Variants in BZW2 observed in about 807,000 individuals in gnomAD.
BZW2 encodes eIF5-mimic protein 1.
BZW2 carries 23 observed loss-of-function variants against 53.2 expected under a neutral mutation model. That is an observed-to-expected ratio of 0.43 (90% CI 0.31 to 0.61). The LOEUF (loss-of-function observed/expected upper bound fraction) is 0.61, where lower values mean the gene tolerates loss of function less well. BZW2 is among the 20% of genes least tolerant of loss of function. BZW2 has a pLI of 0.09. For missense variants in BZW2, 409 were observed against 503.1 expected, an observed-to-expected ratio of 0.81 and a Z score of 1.79; for synonymous variants, 227 against 186.4, an observed-to-expected ratio of 1.22 and a Z score of -1.77.
intron 3 of BZW2, among the ~76,000 whole-genome samples, chr7:16,678,145 C>T (rs1782824829): frequency 1.4e-5 from 2 of 138,352 alleles, no homozygotes; most frequent in African/African-American, 5.5e-5. Context: ...TGTTGGCTCA[C>T]TGCAACTTCC....
intron 1 of BZW2, among the ~76,000 whole-genome samples, chr7:16,649,927 C>T (rs1781946771): frequency 6.6e-6 from 1 of 152,054 alleles, no homozygotes; most frequent in African/African-American, 2.4e-5. Context: ...TTATACTGTT[C>T]TCTCTACTTT....
At chr7:16,696,453 T>A (rs1223022430) in intron 8 of BZW2, among the ~76,000 whole-genome samples, 1 of 152,236 alleles carries the variant, frequency 6.6e-6, no homozygotes, top group Non-Finnish European at 1.5e-5. Context: ...ATAAGGATCA[T>A]CAAAAGTAAT....
At chr7:16,703,686 A>T (rs1280084391) in intron 10 of BZW2, among the ~76,000 whole-genome samples, 1 of 152,176 alleles carries the variant, frequency 6.6e-6, no homozygotes, top group Non-Finnish European at 1.5e-5. Flanking sequence ...ACATTAGAAG[A>T]ATGTTAGAAC....
chr7:16,673,015 G>C (rs1383035200), intron 2 of BZW2, among the ~76,000 whole-genome samples: 2 of 151,436 alleles, frequency 1.3e-5, no homozygotes, highest in Non-Finnish European at 2.9e-5. Flanking sequence ...GCGCGATCTT[G>C]GCTCACTGCA....
intron 2 of BZW2, among the ~76,000 whole-genome samples, chr7:16,673,542 A>G (rs1026999163): frequency 3.0e-4 from 45 of 152,166 alleles, no homozygotes; most frequent in African/African-American, 1.1e-3. Flanking sequence ...TTTTTGTTAA[A>G]TAAATACTAT....
intron 3 of BZW2, 94 bp from the exon 4 acceptor site, chr7:16,681,207 A>G (rs1423715095): frequency 1.3e-5 from 13 of 977,494 alleles, no homozygotes; most frequent in Admixed American, 7.0e-5. Context: ...ATCTACTTTG[A>G]TTATTTTCTT....
intron 8 of BZW2, among the ~76,000 whole-genome samples, chr7:16,696,544 G>GA (rs111721849): frequency 0.37 from 55,742 of 151,878 alleles, 11,463 homozygotes; most frequent in Non-Finnish European, 0.47. Context: ...TTTAGGGATG[G>GA]GATAAAAGTT....
chr7:16,656,911 ATGT>A (rs909017804), intron 1 of BZW2, among the ~76,000 whole-genome samples: 94 of 152,036 alleles, frequency 6.2e-4, no homozygotes, highest in African/African-American at 2.3e-3. Flanking sequence ...GATGGCTCTT[ATGT>A]TGTTTTGATC....
intron 2 of BZW2, among the ~76,000 whole-genome samples, chr7:16,671,328 A>G (rs1782592029): frequency 6.6e-6 from 1 of 152,192 alleles, no homozygotes; most frequent in Non-Finnish European, 1.5e-5. Context: ...GCATTTTTAA[A>G]AAATAACGTT....
intron 2 of BZW2, among the ~76,000 whole-genome samples, chr7:16,671,930 CAAAA>C (rs56356463): frequency 2.0e-5 from 2 of 99,398 alleles, no homozygotes; most frequent in African/African-American, 4.2e-5. Flanking sequence ...GACCCTGTTT[CAAAA>C]AAAAAAAAAA....
At chr7:16,664,500 C>T (rs925205782) in intron 1 of BZW2, among the ~76,000 whole-genome samples, 2 of 152,138 alleles carry the variant, frequency 1.3e-5, no homozygotes, top group Non-Finnish European at 2.9e-5. Context: ...AGAAGCCAGA[C>T]CTTATCTGGC....
intron 6 of BZW2, among the ~76,000 whole-genome samples, chr7:16,689,204 C>T (rs555607445): frequency 9.9e-5 from 15 of 151,882 alleles, no homozygotes; most frequent in African/African-American, 2.4e-4. Flanking sequence ...CCAGCCTGGG[C>T]GACAGAGTGA....
chr7:16,667,239 C>G (rs6964763), intron 2 of BZW2, among the ~76,000 whole-genome samples: 1 of 150,494 alleles, frequency 6.6e-6, no homozygotes, highest in Non-Finnish European at 1.5e-5. Context: ...CGACATTGCA[C>G]CACTGCACTG....
chr7:16,670,902 A>G (rs1301348329), intron 2 of BZW2, among the ~76,000 whole-genome samples: 1 of 152,202 alleles, frequency 6.6e-6, no homozygotes, highest in Admixed American at 6.5e-5. Flanking sequence ...TCTTTATGGT[A>G]TCTCACGCTG....
rs1206399612 is a variant in BZW2 at position 16,665,422 on chromosome 7, T to A, written c.-7-15T>A. ...CTTATCTGAAATACATAATCTTTAT[T>A]TTCTTTGTTTTCAGAAATTTTATGA... On this transcript the variant is annotated splice_polypyrimidine_tract_variant and intron_variant, in intron 1 of 11. Coordinates refer to ENST00000258761, the MANE Select transcript of BZW2 (RefSeq NM_014038.3). The A allele has an allele frequency of 3.1e-6, 5 of 1,614,118 alleles. No homozygotes were observed. The highest frequency in any genetic ancestry group is 4.2e-6 in the Non-Finnish European group (5 of 1,179,982).
rs146164676 is a variant in BZW2, at chr7:16,664,042, A to C, written c.-7-1395A>C. Among the ~76,000 whole-genome samples, 6 of 152,338 alleles carry C rather than the reference A, an allele frequency of 3.9e-5. No individual in the cohort carries two copies. The East Asian group carries it at 1.2e-3, about 29-fold the overall frequency. On this transcript the variant is annotated intron_variant, in intron 1 of 11. Coordinates refer to ENST00000258761, the MANE Select transcript of BZW2 (RefSeq NM_014038.3). ...TATTGCATAGAAAACCATATATTCT[A>C]TACACCCTCCTTTTAACCAAGTACT...
chr7:16,647,339 A>G (rs1030130029), intron 1 of BZW2, among the ~76,000 whole-genome samples: 2 of 152,180 alleles, frequency 1.3e-5, no homozygotes, highest in Non-Finnish European at 2.9e-5. Context: ...GGTTTTTGTT[A>G]AGCATCCCCA....
At chr7:16,653,195 G>T (rs1234803898) in intron 1 of BZW2, among the ~76,000 whole-genome samples, 3 of 152,148 alleles carry the variant, frequency 2.0e-5, no homozygotes, top group African/African-American at 7.2e-5. Context: ...TGAGCTTCCT[G>T]AAGGTCCACT....
intron 3 of BZW2, among the ~76,000 whole-genome samples, chr7:16,679,517 G>A (rs1282774228): frequency 6.6e-6 from 1 of 152,242 alleles, no homozygotes; most frequent in African/African-American, 2.4e-5. Context: ...ACTGTATGCT[G>A]AAGTCTGAAG....
Sources: gnomAD v4.1 joint callset for allele counts (sites outside exome capture counted in the v4.1 genomes callset) on GRCh38, gnomAD v4.1.1 for gene constraint, MANE v1.5 for transcripts, NCBI Gene and HGNC (gene_info 2026-07-23, HGNC 2026-07-21) for gene names.